LIMCH1: variants seen among roughly 807,000 people sequenced by gnomAD.
The protein encoded by LIMCH1 is LIM and calponin homology domains-containing protein 1.
Under a neutral mutation model 176.5 loss-of-function variants are expected in LIMCH1, and 113 were observed. The observed-to-expected ratio is 0.64, with a 90% CI of 0.55 to 0.75. LIMCH1 has a LOEUF of 0.75. Among genes scored for constraint, LIMCH1 ranks in the 30% least tolerant of loss-of-function variants. The pLI is 0.00. For missense variants in LIMCH1, 1,674 were observed against 1,814.9 expected, an observed-to-expected ratio of 0.92 and a Z score of 1.41; for synonymous variants, 619 against 645.9, an observed-to-expected ratio of 0.96 and a Z score of 0.63.
chr4:41,454,939 CATGTGTGTGTGTGTGTGTGT>C (rs1399385681), intron 1 of LIMCH1, among the ~76,000 whole-genome samples: 2 of 130,466 alleles, frequency 1.5e-5, no homozygotes, highest in African/African-American at 6.6e-5. Flanking sequence ...TGTATGCGTA[CATGTGTGTGTGTGTGTGTGT>C]GTGTGTGTGT....
In LIMCH1 at chr4:41,619,316, C is replaced by A; in HGVS notation, c.334C>A (p.Pro112Thr). ...AGCAGTGCCTTTTAACCAGTACCTC[C>A]CGAACAAAAGCAATCAGACGGCCTA... Reference protein sequence around the residue: ...KSAVPFNQYLPNKSNQTAYVP... With the variant: ...KSAVPFNQYLTNKSNQTAYVP... Residue 112 changes from proline (P) to threonine (T), a missense_variant, in exon 6 of 32, where the codon CCG becomes ACG. By Grantham distance (38) the Pro-to-Thr change is conservative. This residue lies in a region of LIMCH1 where 655 missense variants were observed against 692.2 expected (regional missense o/e 0.95). Coordinates refer to ENST00000503057, the MANE Select transcript of LIMCH1 (RefSeq NM_001330672.2). 6.2e-7 allele frequency: 1 copy of A among 1,614,174 alleles called. No individual in the cohort carries two copies. The highest frequency in any genetic ancestry group is 8.5e-7 in the Non-Finnish European group (1 of 1,180,036).
chr4:41,693,704 T>C (rs1012398696), intron 31 of LIMCH1, among the ~76,000 whole-genome samples: 6 of 152,120 alleles, frequency 3.9e-5, no homozygotes, highest in Admixed American at 1.3e-4. Flanking sequence ...AAACAACTCT[T>C]TTCTCCCAGA....
intron 1 of LIMCH1, among the ~76,000 whole-genome samples, chr4:41,561,303 T>A (rs930225717): frequency 6.6e-6 from 1 of 152,210 alleles, no homozygotes; most frequent in African/African-American, 2.4e-5. Context: ...TGTATTTTTT[T>A]CCCCCTCCAG....
In LIMCH1 at chr4:41,650,511, T is replaced by C. The variant is rs1400858512; in HGVS notation, c.2939T>C (p.Val980Ala). ...SLTKSQMFEG[V>A]ARVHGSPLEL... Reference sequence around the variant, plus strand: ...ACCAAATCCCAGATGTTTGAAGGTGTGGCCAGAGTGCACGGGTCTCCACTG... The same window carrying C: ...ACCAAATCCCAGATGTTTGAAGGTGCGGCCAGAGTGCACGGGTCTCCACTG... Residue 980 changes from valine to alanine, a missense_variant, in exon 18 of 32, where the codon GTG becomes GCG. Transcript: ENST00000503057. 1 of 1,613,996 alleles carries C rather than the reference T, an allele frequency of 6.2e-7. No homozygotes were observed. The highest frequency in any genetic ancestry group is 1.7e-5 in the Admixed American group (1 of 59,990).
chr4:41,569,239 TC>T (rs1166684636), intron 1 of LIMCH1, among the ~76,000 whole-genome samples: 31 of 152,328 alleles, frequency 2.0e-4, no homozygotes, highest in Middle Eastern at 3.4e-3. Flanking sequence ...ATTGAAGACT[TC>T]GGTCTGTGGC....
intron 3 of LIMCH1, among the ~76,000 whole-genome samples, chr4:41,527,592 T>C (rs1295122844): frequency 1.3e-5 from 2 of 152,024 alleles, no homozygotes; most frequent in African/African-American, 4.8e-5. Flanking sequence ...TCCCAGCACT[T>C]TGGGAGGCCG....
intron 1 of LIMCH1, among the ~76,000 whole-genome samples, chr4:41,433,176 A>G (rs576001634): frequency 6.6e-6 from 1 of 152,320 alleles, no homozygotes; most frequent in African/African-American, 2.4e-5. Flanking sequence ...GAGGGCATTT[A>G]GTGAAAAAAC....
intron 1 of LIMCH1, among the ~76,000 whole-genome samples, chr4:41,432,224 G>A (rs1203736775): frequency 6.6e-6 from 1 of 152,224 alleles, no homozygotes; most frequent in Non-Finnish European, 1.5e-5. Context: ...TGTGAACACT[G>A]TCTGAGTGGA....
At chr4:41,665,677 A>G (rs776108164) in intron 20 of LIMCH1, among the ~76,000 whole-genome samples, 3 of 152,186 alleles carry the variant, frequency 2.0e-5, no homozygotes, top group East Asian at 1.9e-4. Flanking sequence ...TGAAAAAAAC[A>G]TAAATTTATA....
intron 2 of LIMCH1, among the ~76,000 whole-genome samples, chr4:41,512,400 A>T (rs2075036994): frequency 6.6e-6 from 1 of 152,204 alleles, no homozygotes; most frequent in African/African-American, 2.4e-5. Flanking sequence ...TATACTCCTA[A>T]GTACATACCC....
intron 2 of LIMCH1, among the ~76,000 whole-genome samples, chr4:41,518,074 C>T (rs1004281272): frequency 1.5e-4 from 23 of 152,152 alleles, no homozygotes; most frequent in African/African-American, 5.6e-4. Flanking sequence ...TTAGATAGCT[C>T]TTCTGTTCTT....
At chr4:41,555,850 C>T (rs1361626675) in intron 1 of LIMCH1, among the ~76,000 whole-genome samples, 2 of 152,060 alleles carry the variant, frequency 1.3e-5, no homozygotes, top group African/African-American at 2.4e-5. Flanking sequence ...TCAGTGAATC[C>T]TCCTAATCTG....
intron 1 of LIMCH1, among the ~76,000 whole-genome samples, chr4:41,557,420 C>A (rs893007963): frequency 6.6e-6 from 1 of 152,154 alleles, no homozygotes; most frequent in East Asian, 1.9e-4. Flanking sequence ...TTACAAGAAT[C>A]GATGGAAGAG....
At chr4:41,606,071 T>G (rs946701457) in intron 4 of LIMCH1, 67 bp downstream of exon 4, 2 of 1,107,960 alleles carry the variant, frequency 1.8e-6, no homozygotes, top group Non-Finnish European at 2.7e-6. Context: ...CATTTGCTTG[T>G]TTTTAAGATT....
At chr4:41,526,308 C>T (rs1162642498) in intron 3 of LIMCH1, among the ~76,000 whole-genome samples, 8 of 149,988 alleles carry the variant, frequency 5.3e-5, no homozygotes, top group Non-Finnish European at 1.2e-4. Context: ...CCCTGCTTAC[C>T]GTCACCCTGT....
In LIMCH1 at chr4:41,613,646, A is replaced by C; in HGVS notation, c.190A>C (p.Arg64=). Residue 64 remains arginine (R), a synonymous_variant, in exon 5 of 32, where the codon AGG becomes CGG. Coordinates refer to ENST00000503057, the MANE Select transcript of LIMCH1 (RefSeq NM_001330672.2). ...RQTPSPDVVL[R]GSSDGRGSDS... The stretch of plus-strand genomic sequence containing the variant: ...GACGCCTTCACCAGATGTAGTCCTC[A>C]GGGGAAGCAGCGATGGTAGGTTGGA... 6.2e-7 allele frequency: 1 copy of C among 1,613,990 alleles called. No individual in the cohort carries two copies. Among genetic ancestry groups the C allele is most frequent in the South Asian group, 1.1e-5 (1 of 91,068 alleles).
intron 1 of LIMCH1, among the ~76,000 whole-genome samples, chr4:41,475,116 T>G (rs1270059103): frequency 6.6e-6 from 1 of 152,212 alleles, no homozygotes; most frequent in African/African-American, 2.4e-5. Flanking sequence ...TTGTTTTCTA[T>G]TGCCTACCTG....
At chr4:41,555,330 T>G (rs533413219) in intron 1 of LIMCH1, among the ~76,000 whole-genome samples, 1 of 152,326 alleles carries the variant, frequency 6.6e-6, no homozygotes, top group Non-Finnish European at 1.5e-5. Flanking sequence ...CGGTGAATAC[T>G]GAAGCCTATC....
intron 1 of LIMCH1, among the ~76,000 whole-genome samples, chr4:41,382,594 G>C (rs2055851683): frequency 6.6e-6 from 1 of 151,390 alleles, no homozygotes; most frequent in Non-Finnish European, 1.5e-5. Flanking sequence ...GGAGGGGAGG[G>C]CTTCCAGGCA....
Sources: gnomAD v4.1 joint callset for allele counts (sites outside exome capture counted in the v4.1 genomes callset) on GRCh38, gnomAD v4.1.1 for gene constraint, gnomAD v4.1.1 regional missense constraint, MANE v1.5 for transcripts, NCBI Gene and HGNC (gene_info 2026-07-23, HGNC 2026-07-21) for gene names.